Variants in LRP11 observed in about 807,000 individuals in gnomAD.
LRP11 encodes the protein low-density lipoprotein receptor-related protein 11.
Under a neutral mutation model 43.1 loss-of-function variants are expected in LRP11, and 25 were observed. The ratio of observed to expected loss-of-function variants is 0.58; its 90% CI spans 0.42 to 0.81. The LOEUF (loss-of-function observed/expected upper bound fraction) is 0.81, where lower values mean the gene tolerates loss of function less well. Ranked by LOEUF, LRP11 falls within the 30% of genes least tolerant of loss-of-function variation. The probability of loss-of-function intolerance (pLI) is 0.00; values close to 1 mark genes in which losing one functional copy is unlikely to be tolerated. For missense variants in LRP11, 623 were observed against 665.1 expected (o/e 0.94, Z 0.70); for synonymous variants, 316 against 299.4 (o/e 1.06, Z -0.57).
chr6:149,824,374 G>A (rs1583074930), intron 6 of LRP11, among the ~76,000 whole-genome samples: 2 of 152,184 alleles, frequency 1.3e-5, no homozygotes. Flanking sequence ...CAAGGAAAAT[G>A]AAATCTCCCA....
chr6:149,852,951 A>G, intron 2 of LRP11, 52 bp downstream of exon 2: 1 of 1,490,404 alleles, frequency 6.7e-7, no homozygotes, highest in Middle Eastern at 1.8e-4. Flanking sequence ...ACATTACAAA[A>G]GACCACTTCA....
rs1280449454 is a variant in LRP11, at chr6:149,863,914, C to T, written c.107G>A (p.Arg36His). 2 of 1,481,606 alleles carry T rather than the reference C, an allele frequency of 1.3e-6. No individual in the cohort carries two copies. The highest frequency in any genetic ancestry group is 2.3e-5 in the Admixed American group (1 of 43,738). 91.8% of individuals were successfully genotyped at this position (1,481,606 alleles called of 1,614,324 possible). A position where few individuals can be genotyped will look rare whatever the true frequency, so the allele number is the denominator to read the frequency against. Residue 36 changes from arginine to histidine, a missense_variant, in exon 1 of 7, where the codon CGT (arginine) becomes CAT (histidine). Physicochemically the swap from Arg to His is conservative, Grantham distance 29. Coordinates refer to ENST00000239367, the MANE Select transcript of LRP11 (RefSeq NM_032832.6). ...CGGCGCCGCGGGCGGCAAGGCCGCA[C>T]GGCCGCTTGGCAGCCACAGGCAGAG... ...LLLCLWLPSG[R>H]AALPPAAPLS...
intron 1 of LRP11, among the ~76,000 whole-genome samples, chr6:149,859,396 A>ATTTTTTTTTTTTTT (rs1163759560): frequency 7.0e-5 from 5 of 71,512 alleles, no homozygotes; most frequent in African/African-American, 3.3e-4. Context: ...ATATATATAT[A>ATTTTTTTTTTTTTT]TTTTTTTTTT....
At chr6:149,861,578 A>G (rs1426051150) in intron 1 of LRP11, among the ~76,000 whole-genome samples, 1 of 152,112 alleles carries the variant, frequency 6.6e-6, no homozygotes, top group Non-Finnish European at 1.5e-5. Context: ...CAGTGGCGCA[A>G]TCTGTACTCA....
In LRP11 at chr6:149,818,800, TAATAA is replaced by T. The variant is rs1294068580; in HGVS notation, c.*1744_*1748del. 3.3e-5 allele frequency: 5 copies of T among 152,282 alleles called. No individual in the cohort carries two copies. Among genetic ancestry groups the T allele is most frequent in the African/African-American group, 9.7e-5 (4 of 41,446 alleles). The allele number at this position is 152,282 out of a possible 1,614,324, so 9.4% of individuals were successfully genotyped here. A position where few individuals can be genotyped will look rare whatever the true frequency, so the allele number is the denominator to read the frequency against. On this transcript the variant is annotated 3_prime_UTR_variant, in exon 7 of 7. Coordinates refer to ENST00000239367, the MANE Select transcript of LRP11 (RefSeq NM_032832.6). The stretch of plus-strand genomic sequence containing the variant: ...ATATTAAAAGGAAAAAAAGGCTTAA[TAATAA>T]AATACAATTTATTAAAGGAATCATG...
At chr6:149,845,033 C>G (rs1006702042) in intron 2 of LRP11, among the ~76,000 whole-genome samples, 2 of 152,170 alleles carry the variant, frequency 1.3e-5, no homozygotes, top group African/African-American at 4.8e-5. Context: ...AACACTGGTG[C>G]GTGGTTAAGA....
chr6:149,834,412 T>C (rs1410976879), intron 5 of LRP11, among the ~76,000 whole-genome samples: 1 of 152,242 alleles, frequency 6.6e-6, no homozygotes, highest in African/African-American at 2.4e-5. Flanking sequence ...TTCAAGGTTC[T>C]AAAGGTAGAG....
chr6:149,837,605 C>T (rs1776490799), intron 3 of LRP11, 142 bp from the exon 4 acceptor site: 6 of 832,454 alleles, frequency 7.2e-6, no homozygotes, highest in Non-Finnish European at 1.1e-5. Context: ...ACAATTCCAG[C>T]AACAGGTTCT....
rs1395689021 is a variant in LRP11 at position 149,858,645 on chromosome 6, A to G, written c.613+4763T>C. ...CAACCCTAGGTGTATTCCAGTTACA[A>G]TAAATATAATTTTACATCCTGAATT... On this transcript the variant is annotated intron_variant, in intron 1 of 6. Coordinates refer to ENST00000239367, the MANE Select transcript of LRP11 (RefSeq NM_032832.6). 2.6e-5 allele frequency among the ~76,000 whole-genome samples: 4 copies of G among 152,202 alleles called. No individual in the cohort carries two copies. In the East Asian group the frequency reaches 5.8e-4, roughly 22 times the overall value.
At chr6:149,828,153 C>T (rs1011655817) in intron 5 of LRP11, among the ~76,000 whole-genome samples, 28 of 151,478 alleles carry the variant, frequency 1.8e-4, no homozygotes, top group African/African-American at 6.1e-4. Flanking sequence ...ATCATGCCAC[C>T]GCACTCCAAC....
At chr6:149,850,496 A>C (rs1776702499) in intron 2 of LRP11, among the ~76,000 whole-genome samples, 1 of 152,224 alleles carries the variant, frequency 6.6e-6, no homozygotes, top group Admixed American at 6.5e-5. Context: ...TAAAGAGGGA[A>C]CCAATAAGGT....
chr6:149,835,136 C>A (rs1776455017), intron 5 of LRP11, among the ~76,000 whole-genome samples: 2 of 152,158 alleles, frequency 1.3e-5, no homozygotes, highest in Admixed American at 1.3e-4. Flanking sequence ...ATGATGGAAT[C>A]CTGTAATACT....
chr6:149,826,438 A>T, intron 5 of LRP11, 79 bp from the exon 6 acceptor site: 1 of 958,216 alleles, frequency 1.0e-6, no homozygotes. Flanking sequence ...ATACAGCCTT[A>T]TTTTTTTTTA....
intron 1 of LRP11, among the ~76,000 whole-genome samples, chr6:149,858,391 C>G (rs1379653798): frequency 2.6e-5 from 4 of 152,170 alleles, no homozygotes; most frequent in African/African-American, 7.2e-5. Context: ...TTTTTTATGG[C>G]TGCACAGTAG....
At chr6:149,843,855 A>G (rs578227100) in intron 2 of LRP11, among the ~76,000 whole-genome samples, 224 of 152,146 alleles carry the variant, frequency 1.5e-3, no homozygotes, top group African/African-American at 4.8e-3. Context: ...CGCCCACCCA[A>G]TGTAGCTGCT....
chr6:149,837,584 A>C, intron 3 of LRP11, 121 bp from the exon 4 acceptor site: 1 of 988,012 alleles, frequency 1.0e-6, no homozygotes. Context: ...GCAAATAATG[A>C]GGCAAACCTA....
intron 3 of LRP11, among the ~76,000 whole-genome samples, chr6:149,841,502 G>A (rs1288660259): frequency 6.6e-6 from 1 of 152,212 alleles, no homozygotes; most frequent in Non-Finnish European, 1.5e-5. Context: ...CACCTCTCCA[G>A]AAGTGAATTG....
At chr6:149,856,949 T>A (rs1034034489) in intron 1 of LRP11, among the ~76,000 whole-genome samples, 4 of 152,138 alleles carry the variant, frequency 2.6e-5, no homozygotes, top group Non-Finnish European at 4.4e-5. Flanking sequence ...GATTTCCAAC[T>A]GCAACACTTC....
At chr6:149,848,796 C>G (rs7769115) in intron 2 of LRP11, among the ~76,000 whole-genome samples, 1 of 151,888 alleles carries the variant, frequency 6.6e-6, no homozygotes, top group African/African-American at 2.4e-5. Flanking sequence ...TGCTTAATAC[C>G]CAGGTGAGGA....
Sources: allele counts gnomAD v4.1 joint callset (sites outside exome capture counted in the v4.1 genomes callset), GRCh38; gene constraint gnomAD v4.1.1; transcripts MANE v1.5; gene names NCBI Gene and HGNC (gene_info 2026-07-23, HGNC 2026-07-21).